The following VWA5B1 variants were observed in gnomAD, a reference collection of about 807,000 sequenced individuals.
VWA5B1 encodes von Willebrand factor A domain containing 5B1.
Under a neutral mutation model 118.2 loss-of-function variants are expected in VWA5B1, and 115 were observed. The observed-to-expected ratio is 0.97, with a 90% confidence interval of 0.84 to 1.14. VWA5B1 has a LOEUF of 1.14. Ranked by LOEUF, VWA5B1 falls within the 50% of genes most tolerant of loss-of-function variation. The pLI is 0.00. For missense variants in VWA5B1, 1,596 were observed against 1,603.8 expected, an observed-to-expected ratio of 1.00 and a Z score of 0.08; for synonymous variants, 682 against 658.4, an observed-to-expected ratio of 1.04 and a Z score of -0.55.
chr1:20,350,077 T>TA (rs2090095859), intron 18 of VWA5B1, 79 bp from the exon 19 acceptor site: 1 of 1,420,554 alleles, frequency 7.0e-7, no homozygotes, highest in African/African-American at 1.4e-5. Context: ...CACCGTGAAT[T>TA]AGACCATTGC....
At chr1:20,292,175 C>A (rs1380549572) in intron 1 of VWA5B1, among the ~76,000 whole-genome samples, 3 of 151,628 alleles carry the variant, frequency 2.0e-5, no homozygotes, top group Admixed American at 6.6e-5. Context: ...TTTCCTCCCC[C>A]CCTCCTGTCC....
At chr1:20,311,118 A>T (rs2088836252) in intron 2 of VWA5B1, among the ~76,000 whole-genome samples, 1 of 152,206 alleles carries the variant, frequency 6.6e-6, no homozygotes, top group African/African-American at 2.4e-5. Flanking sequence ...GACTACGGGC[A>T]TGTGCCACCA....
At chr1:20,314,645 G>A in intron 4 of VWA5B1, 53 bp downstream of exon 4, 2 of 1,532,762 alleles carry the variant, frequency 1.3e-6, no homozygotes, top group South Asian at 2.4e-5. Flanking sequence ...AGCAGAGAGT[G>A]CGTCAGGTGA....
rs1010414748 is a variant in VWA5B1, at chr1:20,356,400, C to G, written c.*2137C>G. Among the ~76,000 whole-genome samples the G allele has an allele frequency of 6.6e-6, 1 of 152,198 alleles. No homozygotes were observed. The highest frequency in any genetic ancestry group is 2.4e-5 in the African/African-American group (1 of 41,444). The stretch of plus-strand genomic sequence containing the variant: ...GAATTTGCTTGAGTTCTCTGTGTGA[C>G]CTTGAACAAGTGGCGTGTGTGTTCT... On this transcript the variant is annotated 3_prime_UTR_variant, in exon 22 of 22. Transcript: ENST00000289815.
At chr1:20,324,083 G>A (rs1228432581) in intron 8 of VWA5B1, among the ~76,000 whole-genome samples, 1 of 152,206 alleles carries the variant, frequency 6.6e-6, no homozygotes, top group Non-Finnish European at 1.5e-5. Context: ...AGTGGACATG[G>A]CCCCTGCCAT....
intron 1 of VWA5B1, among the ~76,000 whole-genome samples, chr1:20,307,285 G>A (rs937465342): frequency 7.2e-5 from 11 of 152,082 alleles, no homozygotes; most frequent in East Asian, 1.9e-4. Flanking sequence ...TGTGGCCCGC[G>A]CCCACCTGAG....
chr1:20,291,902 G>C (rs1570026878), intron 1 of VWA5B1, among the ~76,000 whole-genome samples: 1 of 152,158 alleles, frequency 6.6e-6, no homozygotes. Flanking sequence ...TAACGTCTGC[G>C]GCAGCCCCAA....
Position 20,337,666 on chromosome 1 carries a change from C to T in VWA5B1, c.1963C>T (p.Arg655Trp), listed in dbSNP as rs1307083205. The change falls in exon 14 of 22, where the codon CGG (arginine) becomes TGG (tryptophan). Residue 655 changes from arginine to tryptophan, a missense_variant. By Grantham distance (101) the Arg-to-Trp change is moderately radical. Transcript: ENST00000289815. Reference protein sequence around the residue: ...TKHDLNLSQRRRAYSTNQITN... With the variant: ...TKHDLNLSQRWRAYSTNQITN... ...TCCAGATCTGAACCTCTCTCAGCGACGGAGGGCATACAGCACCAACCAGAT... is the reference window on the plus strand; with the variant it reads ...TCCAGATCTGAACCTCTCTCAGCGATGGAGGGCATACAGCACCAACCAGAT... 1.7e-5 allele frequency: 27 copies of T among 1,551,418 alleles called. No individual in the cohort carries two copies. The highest frequency in any genetic ancestry group is 1.3e-4 in the South Asian group (11 of 84,036).
chr1:20,318,851 G>C, intron 6 of VWA5B1, 130 bp downstream of exon 6: 1 of 1,361,244 alleles, frequency 7.3e-7, no homozygotes, highest in Non-Finnish European at 9.6e-7. Context: ...TGGGGGGTGT[G>C]GCCAAGGAGA....
Position 20,330,954 on chromosome 1 carries a change from C to T in VWA5B1, c.1543C>T (p.Leu515=). 1 of 1,550,968 alleles carries T rather than the reference C, an allele frequency of 6.4e-7. No homozygotes were observed. Among genetic ancestry groups the T allele is most frequent in the Non-Finnish European group, 8.7e-7 (1 of 1,146,652 alleles). ...ASVSEGSAEL[L]MEGERLQPKM... is the part of the protein sequence containing the mutation. ...TGTGTCCGAGGGCAGTGCTGAGCTC[C>T]TGATGGAGGGGGAGCGGCTGCAACC... is the stretch of plus-strand genomic sequence containing the variant. Residue 515 remains leucine, a synonymous_variant, in exon 11 of 22, where the codon CTG becomes TTG. Transcript: ENST00000289815.
intron 16 of VWA5B1, among the ~76,000 whole-genome samples, chr1:20,344,785 T>C (rs2089973204): frequency 1.3e-5 from 2 of 152,250 alleles, no homozygotes; most frequent in Admixed American, 1.3e-4. Context: ...TTTTGTATTG[T>C]ACGTGTTACT....
rs111808931 is a variant in VWA5B1 at position 20,343,497 on chromosome 1, C to A, written c.2626+104C>A. The A allele has an allele frequency of 2.2e-5, 31 of 1,428,084 alleles. 1 individual carries two copies. In the African/African-American group the frequency reaches 3.2e-4, roughly 15 times the overall value. The allele number at this position is 1,428,084 out of a possible 1,614,324, so 88.5% of individuals were successfully genotyped here. ...CACCCGCCCCCGGTGATCCTCTCAG[C>A]CCCGCGTGGTCCGCCCACCTGCTTC... On this transcript the variant is annotated intron_variant, in intron 16 of 21. Coordinates refer to ENST00000289815, the MANE Select transcript of VWA5B1 (RefSeq NM_001039500.3).
At chr1:20,326,046 G>C (rs773909039) in intron 8 of VWA5B1, among the ~76,000 whole-genome samples, 2 of 152,212 alleles carry the variant, frequency 1.3e-5, no homozygotes, top group African/African-American at 2.4e-5. Flanking sequence ...TAATAGGTGT[G>C]AGCAGAGACA....
At chr1:20,348,478 T>C in intron 18 of VWA5B1, 120 bp downstream of exon 18, 1 of 1,086,422 alleles carries the variant, frequency 9.2e-7, no homozygotes, top group Non-Finnish European at 1.4e-6. Context: ...CACTGTGGGC[T>C]TAGGCAGGCC....
chr1:20,352,261 C>T, intron 21 of VWA5B1, 89 bp downstream of exon 21: 1 of 992,970 alleles, frequency 1.0e-6, no homozygotes, highest in South Asian at 1.7e-5. Context: ...CTCTCCACTT[C>T]CTCAAAGAGA....
intron 14 of VWA5B1, chr1:20,338,362 TTTG>T: frequency 9.5e-6 from 3 of 316,034 alleles, no homozygotes; most frequent in Non-Finnish European, 1.2e-5. Flanking sequence ...TGTTTGTTTG[TTTG>T]TTGAGACAGA....
At chr1:20,341,399 T>C (rs2089871342) in intron 14 of VWA5B1, among the ~76,000 whole-genome samples, 1 of 152,266 alleles carries the variant, frequency 6.6e-6, no homozygotes, top group Non-Finnish European at 1.5e-5. Context: ...CTCCCACAGC[T>C]GTGTACCCAT....
rs757706823 is a variant in VWA5B1 at position 20,345,571 on chromosome 1, C to G, written c.2742C>G (p.Thr914=). The G allele has an allele frequency of 5.8e-6, 9 of 1,550,030 alleles. No homozygotes were observed. Among genetic ancestry groups the G allele is most frequent in the Non-Finnish European group, 7.0e-6 (8 of 1,146,540 alleles). ...TGAGCAAGAGCCGGTACCTGCCCAC[C>G]GTGGTGGAGTACCCCAACTCTGGTA... ...VDVSKSRYLP[T]VVEYPNSGAA... The change falls in exon 17 of 22, where the codon ACC becomes ACG. Residue 914 remains threonine (T), a synonymous_variant. Transcript: ENST00000289815.
At chr1:20,332,515 A>AAAAT in intron 11 of VWA5B1, among the ~76,000 whole-genome samples, 1 of 149,706 alleles carries the variant, frequency 6.7e-6, no homozygotes, top group African/African-American at 2.5e-5. Context: ...AAAATAAAAT[A>AAAAT]AAATAAAATA....
Sources: gnomAD v4.1 joint callset for allele counts (sites outside exome capture counted in the v4.1 genomes callset) on GRCh38, gnomAD v4.1.1 for gene constraint, MANE v1.5 for transcripts, NCBI Gene and HGNC (gene_info 2026-07-23, HGNC 2026-07-21) for gene names.